Variants in PLXDC2 observed in about 807,000 individuals in gnomAD.
PLXDC2 encodes the protein plexin domain-containing protein 2.
PLXDC2 carries 40 observed loss-of-function variants against 68.9 expected under a neutral mutation model. The observed-to-expected ratio is 0.58, with a 90% CI of 0.45 to 0.76. The LOEUF (loss-of-function observed/expected upper bound fraction) is 0.76. Ranked by LOEUF, PLXDC2 falls within the 30% of genes least tolerant of loss-of-function variation. The pLI is 0.00. For synonymous variants in PLXDC2, 243 were observed against 234.2 expected (o/e 1.04, Z -0.34); for missense variants, 644 against 661.9 (o/e 0.97, Z 0.30).
At chr10:19,986,281 G>T (rs964676140) in intron 1 of PLXDC2, among the ~76,000 whole-genome samples, 3 of 152,048 alleles carry the variant, frequency 2.0e-5, no homozygotes, top group African/African-American at 7.2e-5. Flanking sequence ...GTCGAGTTAG[G>T]ATTAGCATTC....
chr10:20,084,748 C>T (rs940481991), intron 4 of PLXDC2, among the ~76,000 whole-genome samples: 2 of 151,890 alleles, frequency 1.3e-5, no homozygotes, highest in Non-Finnish European at 2.9e-5. Flanking sequence ...GTAGATACAC[C>T]GTTGGACAGA....
At chr10:20,069,031 G>A (rs1376346934) in intron 4 of PLXDC2, among the ~76,000 whole-genome samples, 1 of 152,136 alleles carries the variant, frequency 6.6e-6, no homozygotes, top group Non-Finnish European at 1.5e-5. Context: ...GTAATTGAAA[G>A]AAATTCCATA....
intron 7 of PLXDC2, among the ~76,000 whole-genome samples, chr10:20,166,975 T>A (rs371878013): frequency 6.6e-6 from 1 of 152,150 alleles, no homozygotes; most frequent in African/African-American, 2.4e-5. Context: ...TCAGCAGTTA[T>A]CTAAAAGAAC....
At chr10:20,050,002 CA>C (rs1265250692) in intron 3 of PLXDC2, among the ~76,000 whole-genome samples, 2 of 152,028 alleles carry the variant, frequency 1.3e-5, no homozygotes, top group Admixed American at 1.3e-4. Context: ...GTTACTGGTA[CA>C]AAAACAGTCA....
intron 1 of PLXDC2, among the ~76,000 whole-genome samples, chr10:19,955,100 GAGACA>G (rs1834047200): frequency 1.0e-5 from 1 of 99,996 alleles, no homozygotes; most frequent in Non-Finnish European, 1.8e-5. Context: ...TTTTTTTCCT[GAGACA>G]GGGTCTTGTT....
At chr10:20,140,605 G>A (rs1166928657) in intron 4 of PLXDC2, among the ~76,000 whole-genome samples, 3 of 151,988 alleles carry the variant, frequency 2.0e-5, no homozygotes, top group Non-Finnish European at 2.9e-5. Flanking sequence ...CTGAAAGCTT[G>A]TAAGGTTTCT....
intron 4 of PLXDC2, among the ~76,000 whole-genome samples, chr10:20,127,708 A>C (rs192174020): frequency 5.3e-5 from 8 of 152,254 alleles, no homozygotes; most frequent in African/African-American, 1.9e-4. Flanking sequence ...AAAGAGAGAA[A>C]ATGGGGTGTA....
chr10:20,033,400 C>A (rs112796909), intron 2 of PLXDC2, among the ~76,000 whole-genome samples: 1 of 152,104 alleles, frequency 6.6e-6, no homozygotes, highest in Non-Finnish European at 1.5e-5. Context: ...GTAAGTGACC[C>A]ATTTCTTCTT....
chr10:19,943,779 A>G (rs1274382152), intron 1 of PLXDC2, among the ~76,000 whole-genome samples: 1 of 152,212 alleles, frequency 6.6e-6, no homozygotes, highest in African/African-American at 2.4e-5. Flanking sequence ...TTTTAGATCT[A>G]TTAAATCAAA....
At chr10:20,034,705 A>C (rs1260459563) in intron 2 of PLXDC2, among the ~76,000 whole-genome samples, 2 of 152,350 alleles carry the variant, frequency 1.3e-5, no homozygotes, top group East Asian at 3.9e-4. Context: ...CATGTGATAC[A>C]TACAACATTT....
Position 20,287,032 on chromosome 10 carries a change from A to G in PLXDC2, c.*7213A>G, listed in dbSNP as rs1010009900. 1 of 152,254 alleles carries G rather than the reference A, an allele frequency of 6.6e-6. No homozygotes were observed. The highest frequency in any genetic ancestry group is 1.5e-5 in the Non-Finnish European group (1 of 68,092). 9.4% of individuals were successfully genotyped at this position (152,254 alleles called of 1,614,324 possible). ...AGCCACCGTGCCTGGCCGAGTTATT[A>G]ACTTCTTAAGAGCAATGTGCTAATA... is the stretch of plus-strand genomic sequence containing the variant. On this transcript the variant is annotated 3_prime_UTR_variant, in exon 14 of 14. Coordinates refer to ENST00000377252, the MANE Select transcript of PLXDC2 (RefSeq NM_032812.9).
At chr10:20,146,512 C>CTTCCTTCT (rs1834082660) in intron 5 of PLXDC2, among the ~76,000 whole-genome samples, 1 of 143,156 alleles carries the variant, frequency 7.0e-6, no homozygotes, top group South Asian at 2.3e-4. Context: ...TCCTTCCTTC[C>CTTCCTTCT]TTCCTTCCTC....
At chr10:19,888,166 A>C (rs1294395316) in intron 1 of PLXDC2, among the ~76,000 whole-genome samples, 1 of 152,208 alleles carries the variant, frequency 6.6e-6, no homozygotes, top group Non-Finnish European at 1.5e-5. Context: ...ACAAACTAGC[A>C]GACCGGGCTA....
intron 2 of PLXDC2, among the ~76,000 whole-genome samples, chr10:20,023,018 A>C (rs142905245): frequency 6.6e-6 from 1 of 151,250 alleles, no homozygotes; most frequent in African/African-American, 2.4e-5. Flanking sequence ...GGATATTATT[A>C]TAACCCTCCC....
intron 1 of PLXDC2, among the ~76,000 whole-genome samples, chr10:19,845,478 C>A (rs1228240916): frequency 6.6e-6 from 1 of 152,148 alleles, no homozygotes; most frequent in Non-Finnish European, 1.5e-5. Flanking sequence ...CCCTTCTCCC[C>A]AGTAAGTCAT....
At chr10:19,838,952 G>A (rs1454377928) in intron 1 of PLXDC2, among the ~76,000 whole-genome samples, 2 of 152,066 alleles carry the variant, frequency 1.3e-5, no homozygotes, top group Non-Finnish European at 2.9e-5. Flanking sequence ...TTGTGAGGCC[G>A]AGGCCAGTGG....
chr10:20,149,229 C>CTTTTTTTTTTTTTTTTTTTTTTTTTT lies in PLXDC2; in HGVS notation c.783+1328_783+1353dup, dbSNP rs71200986. Among the ~76,000 whole-genome samples, 5 of 34,926 alleles carry CTTTTTTTTTTTTTTTTTTTTTTTTTT rather than the reference C, an allele frequency of 1.4e-4. 1 individual carries two copies. Among genetic ancestry groups the CTTTTTTTTTTTTTTTTTTTTTTTTTT allele is most frequent in the Admixed American group, 5.5e-4 (1 of 1,816 alleles). 22.9% of individuals were successfully genotyped at this position (34,926 alleles called of 152,430 possible). ...ATTTTTCTTTCTTTTTTTTTCTTTTCTTTTTTTTTTTTTTTTTTTTTTTTT... is the reference window on the plus strand; with the variant it reads ...ATTTTTCTTTCTTTTTTTTTCTTTTCTTTTTTTTTTTTTTTTTTTTTTTTTTTTTTTTTTTTTTTTTTTTTTTTTTT... On this transcript the variant is annotated intron_variant, in intron 6 of 13. Coordinates refer to ENST00000377252, the MANE Select transcript of PLXDC2 (RefSeq NM_032812.9).
chr10:19,915,884 A>G (rs1190301405), intron 1 of PLXDC2, among the ~76,000 whole-genome samples: 1 of 151,260 alleles, frequency 6.6e-6, no homozygotes, highest in African/African-American at 2.4e-5. Flanking sequence ...GAAGAAGAAG[A>G]AAAAAAACAG....
intron 10 of PLXDC2, 54 bp from the exon 11 acceptor site, chr10:20,217,372 T>C (rs1835151437): frequency 6.7e-7 from 1 of 1,495,114 alleles, no homozygotes; most frequent in Non-Finnish European, 9.0e-7. Context: ...ATGTAAGTTC[T>C]AAAAATAGAT....
Sources: gnomAD v4.1 joint callset for allele counts (sites outside exome capture counted in the v4.1 genomes callset) on GRCh38, gnomAD v4.1.1 for gene constraint, MANE v1.5 for transcripts, NCBI Gene and HGNC (gene_info 2026-07-23, HGNC 2026-07-21) for gene names.